DNAH6: variants seen among roughly 807,000 people sequenced by gnomAD.
DNAH6 encodes the protein dynein axonemal heavy chain 6, also known as axonemal beta dynein heavy chain 6.
Under a neutral mutation model 491.4 loss-of-function variants are expected in DNAH6, and 340 were observed. That is an observed-to-expected ratio of 0.69 (90% CI 0.63 to 0.76). The LOEUF (loss-of-function observed/expected upper bound fraction) is 0.76. Among genes scored for constraint, DNAH6 ranks in the 30% least tolerant of loss-of-function variants. The pLI is 0.00. For missense variants in DNAH6, 4,443 were observed against 4,972.2 expected, an observed-to-expected ratio of 0.89 and a Z score of 3.20; for synonymous variants, 1,603 against 1,686.1, an observed-to-expected ratio of 0.95 and a Z score of 1.21.
In DNAH6 at chr2:84,611,830, G is replaced by C. The variant is rs1457452822; in HGVS notation, c.3451G>C (p.Ala1151Pro). The change falls in exon 22 of 77, where the codon GCT becomes CCT. Residue 1151 changes from alanine (A) to proline (P), a missense_variant. By Grantham distance (27) the Ala-to-Pro change is conservative. Transcript: ENST00000389394. ...GAGAAAGGTGAATCGGCTGCCTAAT[G>C]CTCTTCGAGCCGCTACTCAGCCAGG... The part of the protein sequence containing the change: ...IMRKVNRLPN[A>P]LRAATQPGLL... 1 of 1,550,690 alleles carries C rather than the reference G, an allele frequency of 6.4e-7. No homozygotes were observed. Among genetic ancestry groups the C allele is most frequent in the African/African-American group, 1.4e-5 (1 of 72,960 alleles).
rs1366599094 is a variant in DNAH6 at position 84,621,471 on chromosome 2, C to G, written c.3991C>G (p.Arg1331Gly). 1 of 1,538,512 alleles carries G rather than the reference C, an allele frequency of 6.5e-7. No individual in the cohort carries two copies. The highest frequency in any genetic ancestry group is 8.8e-7 in the Non-Finnish European group (1 of 1,136,032). ...ILTVSQIMWC[R>G]DLTECLETEH... ...GACTGTTTCTCAAATTATGTGGTGCCGTGATTTGACTGAATGTCTGGAAAC... is the reference window on the plus strand; with the variant it reads ...GACTGTTTCTCAAATTATGTGGTGCGGTGATTTGACTGAATGTCTGGAAAC... The change falls in exon 26 of 77, where the codon CGT (arginine) becomes GGT (glycine). Residue 1331 changes from arginine to glycine, a missense_variant. This residue lies in a region of DNAH6 where 2,977 missense variants were observed against 3,296.6 expected (regional missense o/e 0.90). Coordinates refer to ENST00000389394, the MANE Select transcript of DNAH6 (RefSeq NM_001370.2).
chr2:84,604,348 A>G lies in DNAH6; in HGVS notation c.2878A>G (p.Ile960Val), dbSNP rs1685550684. ...VEKMKEKLPV[I>V]IDLRNPTLKA... is the part of the protein sequence containing the mutation. ...AGTGTTTGTTTTTCAGCTTCCAGTT[A>G]TCATTGACTTGAGGAACCCGACTTT... The change falls in exon 19 of 77, where the codon ATC becomes GTC. Residue 960 changes from isoleucine (I) to valine (V), a missense_variant. Around this residue, in one of 3 missense-constraint regions of DNAH6, gnomAD observed 2,977 missense variants for 3,296.6 expected, o/e 0.90. Coordinates refer to ENST00000389394, the MANE Select transcript of DNAH6 (RefSeq NM_001370.2). The G allele has an allele frequency of 4.5e-6, 7 of 1,551,934 alleles. No homozygotes were observed. The highest frequency in any genetic ancestry group is 5.2e-6 in the Non-Finnish European group (6 of 1,146,846).
At chr2:84,812,822 T>C (rs886911148) in intron 73 of DNAH6, among the ~76,000 whole-genome samples, 27 of 152,228 alleles carry the variant, frequency 1.8e-4, no homozygotes, top group African/African-American at 5.8e-4. Flanking sequence ...AGATCCCAGA[T>C]AACTTTGCTG....
At chr2:84,505,368 G>A in the DNAH6 span, among the ~76,000 whole-genome samples, 7,721 of 152,098 alleles carry the variant, frequency 0.051, 296 homozygotes, top group Non-Finnish European at 0.073. Context: ...TCCCTGGTTT[G>A]AAATTTCAGT....
intron 41 of DNAH6, among the ~76,000 whole-genome samples, chr2:84,679,824 C>T (rs1573461195): frequency 6.6e-6 from 1 of 152,198 alleles, no homozygotes; most frequent in African/African-American, 2.4e-5. Flanking sequence ...CATGGATCTT[C>T]TTCCATGGAC....
intron 30 of DNAH6, among the ~76,000 whole-genome samples, chr2:84,635,146 CCA>C (rs1688753770): frequency 6.6e-6 from 1 of 152,146 alleles, no homozygotes; most frequent in South Asian, 2.1e-4. Context: ...AGCTCTAGCT[CCA>C]GAGGCAGAGG....
rs1187354602 is a variant in DNAH6 at position 84,582,935 on chromosome 2, C to T, written c.2230-1064C>T. Among the ~76,000 whole-genome samples the T allele has an allele frequency of 2.6e-5, 4 of 152,204 alleles. No individual in the cohort carries two copies. In the East Asian group the frequency reaches 7.7e-4, roughly 29 times the overall value. On this transcript the variant is annotated intron_variant, in intron 14 of 76. Coordinates refer to ENST00000389394, the MANE Select transcript of DNAH6 (RefSeq NM_001370.2). ...TGTTCAAGAGAAAGGTCAGACTGAG[C>T]CAAGTTCTTTAGATCACAGTTTGAT...
At chr2:84,812,222 G>A (rs965174881) in intron 72 of DNAH6, 119 bp from the exon 73 acceptor site, 6 of 798,460 alleles carry the variant, frequency 7.5e-6, no homozygotes, top group Non-Finnish European at 1.0e-5. Context: ...TGTGCAAAGA[G>A]GATAGAACCT....
In DNAH6 at chr2:84,694,319, T is replaced by C; in HGVS notation, c.7363T>C (p.Ser2455Pro). 6.4e-7 allele frequency: 1 copy of C among 1,552,236 alleles called. No individual in the cohort carries two copies. Among genetic ancestry groups the C allele is most frequent in the Non-Finnish European group, 8.7e-7 (1 of 1,147,036 alleles). The change falls in exon 46 of 77, where the codon TCA (serine) becomes CCA (proline). Residue 2455 changes from serine (S) to proline (P), a missense_variant. Physicochemically the swap from Ser to Pro is moderately conservative, Grantham distance 74. Coordinates refer to ENST00000389394, the MANE Select transcript of DNAH6 (RefSeq NM_001370.2). ...LVGVGGTGKQSLTRLAAHICG... is the reference protein window; with the variant it reads ...LVGVGGTGKQPLTRLAAHICG... ...TGGAGTAGGAGGCACAGGAAAGCAG[T>C]CACTCACGAGACTTGCAGCTCATAT...
intron 37 of DNAH6, among the ~76,000 whole-genome samples, chr2:84,666,853 A>G (rs1038250595): frequency 1.4e-4 from 21 of 152,190 alleles, no homozygotes; most frequent in African/African-American, 4.3e-4. Context: ...AAACTATACT[A>G]CAAGGCTACA....
chr2:84,668,213 C>T (rs1558880701), intron 37 of DNAH6, among the ~76,000 whole-genome samples: 1 of 152,096 alleles, frequency 6.6e-6, no homozygotes, highest in Non-Finnish European at 1.5e-5. Context: ...ACGTTGTGCA[C>T]ATGTACCCTA....
At chr2:84,476,349 T>C in the DNAH6 span, among the ~76,000 whole-genome samples, 2 of 152,192 alleles carry the variant, frequency 1.3e-5, no homozygotes. Flanking sequence ...CACCACCAAT[T>C]GCTCCAGGTT....
intron 57 of DNAH6, among the ~76,000 whole-genome samples, chr2:84,713,842 T>TA (rs1184190438): frequency 6.6e-6 from 1 of 152,208 alleles, no homozygotes; most frequent in African/African-American, 2.4e-5. Context: ...TGTCTACACT[T>TA]AGAGTTATGG....
At chr2:84,602,508 T>C (rs1039795292) in intron 18 of DNAH6, among the ~76,000 whole-genome samples, 1 of 85,012 alleles carries the variant, frequency 1.2e-5, no homozygotes, top group Non-Finnish European at 2.4e-5. Context: ...TTTTTTTTTT[T>C]GGTCTGGCTA....
chr2:84,481,622 CAT>C, the DNAH6 span, among the ~76,000 whole-genome samples: 1 of 152,206 alleles, frequency 6.6e-6, no homozygotes, highest in Non-Finnish European at 1.5e-5. Flanking sequence ...AGGAGCAACT[CAT>C]ATGCTTGGCT....
In DNAH6 at chr2:84,619,725, G is replaced by T; in HGVS notation, c.3613G>T (p.Ala1205Ser). 1.9e-6 allele frequency: 3 copies of T among 1,551,468 alleles called. No homozygotes were observed. Among genetic ancestry groups the T allele is most frequent in the Non-Finnish European group, 2.6e-6 (3 of 1,146,806 alleles). ...AAATGATGAACTTCTGGAGATTTTG[G>T]CCCAGACACGAAATCCACAGGCCGT... The part of the protein sequence containing the change: ...LSNDELLEIL[A>S]QTRNPQAVQP... The change falls in exon 24 of 77, where the codon GCC becomes TCC. Residue 1205 changes from alanine to serine, a missense_variant. Physicochemically the swap from Ala to Ser is moderately conservative, Grantham distance 99. Around this residue, in one of 3 missense-constraint regions of DNAH6, gnomAD observed 2,977 missense variants for 3,296.6 expected, o/e 0.90. Coordinates refer to ENST00000389394, the MANE Select transcript of DNAH6 (RefSeq NM_001370.2).
At chr2:84,672,247 CA>C in intron 39 of DNAH6, 79 bp from the exon 40 acceptor site, 1 of 1,417,956 alleles carries the variant, frequency 7.1e-7, no homozygotes, top group Non-Finnish European at 9.5e-7. Context: ...TCATTGAGTC[CA>C]AAGTCATACC....
intron 16 of DNAH6, among the ~76,000 whole-genome samples, 192 bp from the exon 17 acceptor site, chr2:84,593,780 G>C (rs1684323260): frequency 6.6e-6 from 1 of 151,204 alleles, no homozygotes; most frequent in Non-Finnish European, 1.5e-5. Flanking sequence ...CTAATGGAAA[G>C]TCTAATATAT....
chr2:84,672,048 G>A (rs1345759910), intron 39 of DNAH6, among the ~76,000 whole-genome samples: 1 of 152,178 alleles, frequency 6.6e-6, no homozygotes. Context: ...ACAGAGAAAG[G>A]TTCACTCCTT....
Sources: gnomAD v4.1 joint callset for allele counts (sites outside exome capture counted in the v4.1 genomes callset) on GRCh38, gnomAD v4.1.1 for gene constraint, gnomAD v4.1.1 regional missense constraint, MANE v1.5 for transcripts, NCBI Gene and HGNC (gene_info 2026-07-23, HGNC 2026-07-21) for gene names.